The following ATOSA variants were observed in gnomAD, a reference collection of about 807,000 sequenced individuals.
ATOSA encodes atos homolog protein A.
At chr15:52,698,373 A>G in the ATOSA span, among the ~76,000 whole-genome samples, 8 of 152,178 alleles carry the variant, frequency 5.3e-5, no homozygotes, top group African/African-American at 1.9e-4. Flanking sequence ...GATAACCTGC[A>G]TCTGCTTTAT....
the ATOSA span, among the ~76,000 whole-genome samples, chr15:52,629,319 T>C: frequency 1.1e-4 from 17 of 152,218 alleles, no homozygotes; most frequent in East Asian, 2.9e-3. Flanking sequence ...AGTGGTATAT[T>C]TGTTACACTT....
chr15:52,672,818 C>A, the ATOSA span, among the ~76,000 whole-genome samples: 72 of 152,178 alleles, frequency 4.7e-4, no homozygotes, highest in Non-Finnish European at 8.4e-4. Context: ...AGGGTTTAGT[C>A]CACTGAATCA....
the ATOSA span, among the ~76,000 whole-genome samples, chr15:52,613,323 G>A: frequency 1.6e-3 from 240 of 152,320 alleles, no homozygotes; most frequent in Non-Finnish European, 2.8e-3. Flanking sequence ...CCAAGATCGC[G>A]CCACTGCACT....
the ATOSA span, among the ~76,000 whole-genome samples, chr15:52,651,285 C>A: frequency 3.3e-5 from 5 of 152,234 alleles, no homozygotes; most frequent in Admixed American, 2.6e-4. Flanking sequence ...ATCTGAACTG[C>A]ACAGAACTAG....
chr15:52,708,387 G>A, the ATOSA span, among the ~76,000 whole-genome samples: 6 of 152,210 alleles, frequency 3.9e-5, no homozygotes, highest in South Asian at 1.2e-3. Context: ...TGCTTGATGG[G>A]ATCATCGTGA....
the ATOSA span, among the ~76,000 whole-genome samples, chr15:52,650,431 T>C: frequency 1.3e-3 from 196 of 152,344 alleles, no homozygotes; most frequent in African/African-American, 4.5e-3. Context: ...TAGGTCTACG[T>C]AAAACATTTT....
chr15:52,696,758 A>C, the ATOSA span, among the ~76,000 whole-genome samples: 1 of 152,042 alleles, frequency 6.6e-6, no homozygotes, highest in South Asian at 2.1e-4. Context: ...TAAATGTGCT[A>C]ATAATGGAGC....
the ATOSA span, among the ~76,000 whole-genome samples, chr15:52,690,829 T>A: frequency 2.0e-5 from 3 of 152,156 alleles, no homozygotes; most frequent in Non-Finnish European, 4.4e-5. Context: ...TTGCTCAAGA[T>A]AACAGACTGA....
the ATOSA span, among the ~76,000 whole-genome samples, chr15:52,699,159 A>G: frequency 1.4e-4 from 21 of 152,256 alleles, no homozygotes; most frequent in Middle Eastern, 3.4e-3. Context: ...TGGCTCAGAA[A>G]TCACCTAGCA....
At chr15:52,652,764 G>A in the ATOSA span, among the ~76,000 whole-genome samples, 7 of 152,282 alleles carry the variant, frequency 4.6e-5, no homozygotes, top group East Asian at 3.9e-4. Flanking sequence ...GAACAATGAC[G>A]TTTAGCTTAA....
chr15:52,601,356 C>T, the ATOSA span, among the ~76,000 whole-genome samples: 1 of 152,040 alleles, frequency 6.6e-6, no homozygotes, highest in Non-Finnish European at 1.5e-5. Context: ...GTTGAAAAAA[C>T]AGATGACAAA....
At chr15:52,663,866 T>G in the ATOSA span, among the ~76,000 whole-genome samples, 2 of 152,076 alleles carry the variant, frequency 1.3e-5, no homozygotes, top group Non-Finnish European at 2.9e-5. Flanking sequence ...GCTCAAGCAA[T>G]CTTCCCACCT....
chr15:52,609,893 T>C, the ATOSA span: 31 of 1,612,256 alleles, frequency 1.9e-5, no homozygotes, highest in Middle Eastern at 3.3e-4. Context: ...GAATCAACCA[T>C]TGAAAATGAT....
At chr15:52,697,857 A>T in the ATOSA span, among the ~76,000 whole-genome samples, 22 of 151,624 alleles carry the variant, frequency 1.5e-4, no homozygotes, top group African/African-American at 5.3e-4. Context: ...ATGACTCGTC[A>T]GGGGAACACA....
At chr15:52,611,442 T>C in the ATOSA span, 1 of 1,177,158 alleles carries the variant, frequency 8.5e-7, no homozygotes. Context: ...CTCATTTTAG[T>C]GCCAAATATA....
the ATOSA span, among the ~76,000 whole-genome samples, chr15:52,637,118 C>T: frequency 1.4e-4 from 22 of 152,198 alleles, no homozygotes; most frequent in African/African-American, 3.9e-4. Flanking sequence ...AAATGTAGGA[C>T]TTCGTGAATG....
the ATOSA span, among the ~76,000 whole-genome samples, chr15:52,708,525 T>C: frequency 6.6e-6 from 1 of 152,180 alleles, no homozygotes; most frequent in Non-Finnish European, 1.5e-5. Context: ...ATTACTGAAT[T>C]AAGGCACTCT....
the ATOSA span, among the ~76,000 whole-genome samples, chr15:52,640,021 G>A: frequency 6.6e-6 from 1 of 151,736 alleles, no homozygotes; most frequent in Non-Finnish European, 1.5e-5. Context: ...GCTTCCCAAA[G>A]TGCTAGGATT....
the ATOSA span, among the ~76,000 whole-genome samples, chr15:52,660,082 T>C: frequency 6.6e-6 from 1 of 152,184 alleles, no homozygotes; most frequent in Admixed American, 6.5e-5. Flanking sequence ...GAATTTTGTA[T>C]TTCATGAAAC....
Sources: allele counts gnomAD v4.1 joint callset (sites outside exome capture counted in the v4.1 genomes callset), GRCh38; gene constraint gnomAD v4.1.1; transcripts MANE v1.5; gene names NCBI Gene and HGNC (gene_info 2026-07-23, HGNC 2026-07-21).